Variants in CRPPA observed in about 807,000 individuals in gnomAD.
The protein encoded by CRPPA is CDP-L-ribitol pyrophosphorylase A.
CRPPA carries 43 observed loss-of-function variants against 52.0 expected under a neutral mutation model. The observed-to-expected ratio is 0.83, with a 90% CI of 0.65 to 1.07. The LOEUF is 1.07. Among genes scored for constraint, CRPPA ranks in the 50% least tolerant of loss-of-function variants. The pLI is 0.00. For missense variants in CRPPA, 629 were observed against 551.7 expected, an observed-to-expected ratio of 1.14 and a Z score of -1.40; for synonymous variants, 250 against 203.5, an observed-to-expected ratio of 1.23 and a Z score of -1.94.
intron 6 of CRPPA, among the ~76,000 whole-genome samples, chr7:16,259,918 A>C (rs953415860): frequency 6.6e-6 from 1 of 152,040 alleles, no homozygotes; most frequent in Admixed American, 6.6e-5. Flanking sequence ...ATGAGAAAGG[A>C]AAGTTTTCAA....
intron 4 of CRPPA, among the ~76,000 whole-genome samples, chr7:16,302,338 T>C (rs1042878339): frequency 4.1e-5 from 6 of 145,542 alleles, no homozygotes; most frequent in African/African-American, 1.5e-4. Flanking sequence ...CTCCTCATAA[T>C]TGTAATCTGT....
At chr7:16,210,991 C>T (rs1018972407) in intron 9 of CRPPA, among the ~76,000 whole-genome samples, 3 of 152,046 alleles carry the variant, frequency 2.0e-5, no homozygotes, top group Non-Finnish European at 2.9e-5. Flanking sequence ...ATGTTCCTAG[C>T]ACAAAGAAAA....
rs68003825 is a variant in CRPPA, at chr7:16,199,854, C to CTTTTTTTT, written c.1251+16204_1251+16211dup. On this transcript the variant is annotated intron_variant, in intron 9 of 9. Coordinates refer to ENST00000407010, the MANE Select transcript of CRPPA (RefSeq NM_001101426.4). ...TTGCCTTCAGATCTGTAAGCTTTTT[C>CTTTTTTTT]TTTTTTTTTTTTTTTTTTTTGAGAT... Among the ~76,000 whole-genome samples, 11 of 120,110 alleles carry CTTTTTTTT rather than the reference C, an allele frequency of 9.2e-5. No individual in the cohort carries two copies. In the South Asian group the frequency reaches 1.9e-3, roughly 21 times the overall value. 78.8% of individuals were successfully genotyped at this position (120,110 alleles called of 152,430 possible). A position where few individuals can be genotyped will look rare whatever the true frequency, so the allele number is the denominator to read the frequency against.
intron 9 of CRPPA, among the ~76,000 whole-genome samples, chr7:16,136,837 T>C (rs1270710443): frequency 2.0e-5 from 3 of 152,230 alleles, no homozygotes; most frequent in Non-Finnish European, 2.9e-5. Flanking sequence ...AAATGAGATA[T>C]GTATCTTTTA....
intron 3 of CRPPA, among the ~76,000 whole-genome samples, chr7:16,337,903 T>C (rs1166698299): frequency 6.6e-6 from 1 of 152,134 alleles, no homozygotes; most frequent in Non-Finnish European, 1.5e-5. Context: ...CACTGTTGAA[T>C]TCCACCGTAC....
At chr7:16,208,526 A>G (rs951965681) in intron 9 of CRPPA, among the ~76,000 whole-genome samples, 2 of 152,180 alleles carry the variant, frequency 1.3e-5, no homozygotes, top group South Asian at 2.1e-4. Context: ...TGGTGTCTCT[A>G]TGGAACCTCC....
At chr7:16,327,021 T>C (rs1283613437) in intron 3 of CRPPA, among the ~76,000 whole-genome samples, 2 of 152,162 alleles carry the variant, frequency 1.3e-5, no homozygotes, top group African/African-American at 2.4e-5. Context: ...ACAGTGAAAA[T>C]TAGTGTCTGG....
chr7:16,392,300 G>A lies in CRPPA; in HGVS notation c.534+13761C>T, dbSNP rs34599812. Among the ~76,000 whole-genome samples, 141 of 152,208 alleles carry A rather than the reference G, an allele frequency of 9.3e-4. 2 individuals carry two copies. The highest frequency in any genetic ancestry group is 3.4e-3 in the Middle Eastern group (1 of 294). On this transcript the variant is annotated intron_variant, in intron 2 of 9. Transcript: ENST00000407010. ...GGTGGCAGTTTCCCAAACCAAAATA[G>A]AAATGTCAGCCTTACAAAATGGCAG...
At chr7:16,398,386 T>A (rs201073212) in intron 2 of CRPPA, among the ~76,000 whole-genome samples, 1 of 43,290 alleles carries the variant, frequency 2.3e-5, no homozygotes, top group Non-Finnish European at 4.0e-5. Flanking sequence ...ATGATTGACA[T>A]GTGACTGACA....
At chr7:16,340,799 T>C (rs1785804189) in intron 3 of CRPPA, among the ~76,000 whole-genome samples, 1 of 152,140 alleles carries the variant, frequency 6.6e-6, no homozygotes, top group African/African-American at 2.4e-5. Flanking sequence ...CTCAACAACC[T>C]GCACAGATAT....
At chr7:16,414,403 C>CACACA in intron 1 of CRPPA, among the ~76,000 whole-genome samples, 1 of 132,764 alleles carries the variant, frequency 7.5e-6, no homozygotes, top group Admixed American at 7.5e-5. Flanking sequence ...ACACACACAC[C>CACACA]CCATGACACT....
intron 9 of CRPPA, among the ~76,000 whole-genome samples, chr7:16,153,769 G>C (rs1382869802): frequency 6.6e-6 from 1 of 151,782 alleles, no homozygotes; most frequent in African/African-American, 2.4e-5. Context: ...ACCTCTGTGA[G>C]AGTAACTTTT....
chr7:16,329,687 AATC>A (rs1785504714), intron 3 of CRPPA, among the ~76,000 whole-genome samples: 1 of 152,216 alleles, frequency 6.6e-6, no homozygotes, highest in African/African-American at 2.4e-5. Context: ...ACACGTAAAC[AATC>A]TTCTACACAC....
At chr7:16,250,188 G>T (rs970048852) in intron 8 of CRPPA, among the ~76,000 whole-genome samples, 8 of 152,140 alleles carry the variant, frequency 5.3e-5, no homozygotes, top group Non-Finnish European at 8.8e-5. Context: ...AGAGTGAAAA[G>T]AAATGAACAA....
intron 9 of CRPPA, among the ~76,000 whole-genome samples, chr7:16,135,335 G>T (rs1782743862): frequency 6.6e-6 from 1 of 152,112 alleles, no homozygotes; most frequent in South Asian, 2.1e-4. Context: ...ATGTTTTGTG[G>T]TTAGGTAAGA....
chr7:16,147,992 A>G (rs2128377985), intron 9 of CRPPA, among the ~76,000 whole-genome samples: 1 of 152,222 alleles, frequency 6.6e-6, no homozygotes, highest in Middle Eastern at 3.4e-3. Flanking sequence ...TCCATGAAGT[A>G]TTTCTTAATC....
At chr7:16,301,533 G>A in intron 4 of CRPPA, 67 bp from the exon 5 acceptor site, 1 of 1,145,636 alleles carries the variant, frequency 8.7e-7, no homozygotes, top group Non-Finnish European at 1.3e-6. Flanking sequence ...ATAAAATAAT[G>A]CCCCCAAGGA....
At chr7:16,177,887 T>C (rs982754341) in intron 9 of CRPPA, among the ~76,000 whole-genome samples, 4 of 152,118 alleles carry the variant, frequency 2.6e-5, no homozygotes, top group South Asian at 4.1e-4. Flanking sequence ...GAGCCTAATA[T>C]AACCACTGTG....
rs373376974 is a variant in CRPPA, at chr7:16,157,753, C to G, written c.1251+58313G>C. Among the ~76,000 whole-genome samples the G allele has an allele frequency of 9.5e-4, 145 of 152,302 alleles. No homozygotes were observed. The East Asian group carries it at 0.024, about 25-fold the overall frequency. ...AAGGTCTACCTTAAACATTCTGCCC[C>G]CTCTCTGTCCCTCACTCTACTTAAA... On this transcript the variant is annotated intron_variant, in intron 9 of 9. Transcript: ENST00000407010.
Sources: gnomAD v4.1 joint callset for allele counts (sites outside exome capture counted in the v4.1 genomes callset) on GRCh38, gnomAD v4.1.1 for gene constraint, MANE v1.5 for transcripts, NCBI Gene and HGNC (gene_info 2026-07-23, HGNC 2026-07-21) for gene names.